The following TET2 variants were observed in gnomAD, a reference collection of about 807,000 sequenced individuals.
TET2 encodes the protein tet methylcytosine dioxygenase 2.
TET2 carries 299 observed loss-of-function variants against 142.9 expected under a neutral mutation model. The ratio of observed to expected loss-of-function variants is 2.09; its 90% confidence interval spans 1.90 to 2.30. The LOEUF (loss-of-function observed/expected upper bound fraction) is 2.30. TET2 is among the 30% of genes most tolerant of loss of function. TET2 has a pLI of 0.00. For synonymous variants in TET2, 819 were observed against 849.0 expected (o/e 0.96, Z 0.61); for missense variants, 2,418 against 2,378.0 (o/e 1.02, Z -0.35).
chr4:105,210,743 G>T (rs116147227), intron 2 of TET2, among the ~76,000 whole-genome samples: 1 of 152,180 alleles, frequency 6.6e-6, no homozygotes, highest in Non-Finnish European at 1.5e-5. Context: ...TTACCAAGTT[G>T]TTCTGTTTCT....
At chr4:105,215,603 A>G (rs1306559979) in intron 2 of TET2, among the ~76,000 whole-genome samples, 1 of 152,176 alleles carries the variant, frequency 6.6e-6, no homozygotes, top group South Asian at 2.1e-4. Flanking sequence ...GAAAAAAGAA[A>G]CAGAAAGGAA....
In TET2 at chr4:105,276,688, T is replaced by C. The variant is rs964397057; in HGVS notation, c.*169T>C. 7 of 704,988 alleles carry C rather than the reference T, an allele frequency of 9.9e-6. No homozygotes were observed. The Admixed American group carries it at 2.3e-4, about 23-fold the overall frequency. The allele number at this position is 704,988 out of a possible 1,614,324, so 43.7% of individuals were successfully genotyped here. On this transcript the variant is annotated 3_prime_UTR_variant, in exon 11 of 11. Coordinates refer to ENST00000380013, the MANE Select transcript of TET2 (RefSeq NM_001127208.3). ...AAAGAGGTTATCTTACCATAGCACT[T>C]AATTTTCACTGGCTCCCAAGTGGTC... is the stretch of plus-strand genomic sequence containing the variant.
In TET2 at chr4:105,246,248, C is replaced by T. The variant is rs1248985806; in HGVS notation, c.3803+2470C>T. Among the ~76,000 whole-genome samples, 10 of 150,294 alleles carry T rather than the reference C, an allele frequency of 6.7e-5. No homozygotes were observed. In the South Asian group the frequency reaches 1.5e-3, roughly 22 times the overall value. On this transcript the variant is annotated intron_variant, in intron 6 of 10. Transcript: ENST00000380013. ...AGCTTTTCCATAATTCTTATAAATGCCAATGCCTGAAATGGAATCTGACAT... is the reference window on the plus strand; with the variant it reads ...AGCTTTTCCATAATTCTTATAAATGTCAATGCCTGAAATGGAATCTGACAT...
intron 2 of TET2, among the ~76,000 whole-genome samples, chr4:105,210,364 G>A (rs182273848): frequency 9.8e-4 from 149 of 152,054 alleles, no homozygotes; most frequent in African/African-American, 3.4e-3. Context: ...TCAAAATTCT[G>A]GTGTTTTTAA....
intron 3 of TET2, chr4:105,240,187 G>A (rs1341864291): frequency 1.2e-5 from 3 of 249,788 alleles, no homozygotes; most frequent in Middle Eastern, 1.3e-3. Flanking sequence ...GACATGAAGT[G>A]AGCACATGCT....
chr4:105,159,253 T>C, intron 1 of TET2, among the ~76,000 whole-genome samples: 1 of 144,168 alleles, frequency 6.9e-6, no homozygotes, highest in African/African-American at 2.6e-5. Flanking sequence ...CTTTCTTTCT[T>C]TTTTTTTTTT....
intron 1 of TET2, among the ~76,000 whole-genome samples, chr4:105,168,433 AC>A (rs907143691): frequency 6.6e-6 from 1 of 151,778 alleles, no homozygotes; most frequent in Admixed American, 6.6e-5. Flanking sequence ...TTCCTGGAGC[AC>A]CCTTCCTTCA....
chr4:105,269,425 T>C (rs1730840946), intron 8 of TET2, among the ~76,000 whole-genome samples, 185 bp from the exon 9 acceptor site: 1 of 152,176 alleles, frequency 6.6e-6, no homozygotes, highest in Admixed American at 6.5e-5. Flanking sequence ...TCAATAACAC[T>C]ATAAAATAAA....
At chr4:105,159,460 G>T (rs1723734475) in intron 1 of TET2, among the ~76,000 whole-genome samples, 1 of 151,884 alleles carries the variant, frequency 6.6e-6, no homozygotes, top group Non-Finnish European at 1.5e-5. Flanking sequence ...TCTCCATGTT[G>T]GTCAGCCTGG....
chr4:105,226,824 A>G (rs966722562), intron 2 of TET2, among the ~76,000 whole-genome samples: 1 of 152,184 alleles, frequency 6.6e-6, no homozygotes, highest in Non-Finnish European at 1.5e-5. Flanking sequence ...TAAATTACCC[A>G]GACAGCTATT....
rs968455228 is a variant in TET2 at position 105,277,304 on chromosome 4, C to T, written c.*785C>T. Reference sequence around the variant, plus strand: ...ACATTTTAAAGGCCTCTGGATTTTGCTCATCCAGTGAAGTCCTTGTAGGAC... The same window carrying T: ...ACATTTTAAAGGCCTCTGGATTTTGTTCATCCAGTGAAGTCCTTGTAGGAC... On this transcript the variant is annotated 3_prime_UTR_variant, in exon 11 of 11. Coordinates refer to ENST00000380013, the MANE Select transcript of TET2 (RefSeq NM_001127208.3). 8.9e-6 allele frequency: 2 copies of T among 225,670 alleles called. No homozygotes were observed. The highest frequency in any genetic ancestry group is 1.8e-5 in the Non-Finnish European group (2 of 113,484). 14.0% of individuals were successfully genotyped at this position (225,670 alleles called of 1,614,324 possible). A position where few individuals can be genotyped will look rare whatever the true frequency, so the allele number is the denominator to read the frequency against.
At chr4:105,155,198 T>C (rs1723504731) in intron 1 of TET2, among the ~76,000 whole-genome samples, 1 of 152,254 alleles carries the variant, frequency 6.6e-6, no homozygotes, top group South Asian at 2.1e-4. Flanking sequence ...GTTTGTTAAC[T>C]GTTTATATCT....
At chr4:105,209,972 C>CA (rs1210085266) in intron 2 of TET2, among the ~76,000 whole-genome samples, 1 of 151,968 alleles carries the variant, frequency 6.6e-6, no homozygotes, top group Non-Finnish European at 1.5e-5. Flanking sequence ...GTTCTACAGA[C>CA]AATAAGAACA....
At position 105,235,158 on chromosome 4, in the gene TET2, C is replaced by T. The variant is rs2110225640; in HGVS notation, c.1216C>T (p.Leu406Phe). The T allele has an allele frequency of 6.2e-7, 1 of 1,613,770 alleles. No homozygotes were observed. Among genetic ancestry groups the T allele is most frequent in the Non-Finnish European group, 8.5e-7 (1 of 1,179,848 alleles). The change falls in exon 3 of 11, where the codon CTT (leucine) becomes TTT (phenylalanine). Residue 406 changes from leucine to phenylalanine, a missense_variant. By Grantham distance (22) the Leu-to-Phe change is conservative. Coordinates refer to ENST00000380013, the MANE Select transcript of TET2 (RefSeq NM_001127208.3). ...ACCACCACCACCATCACAATTGCTT[C>T]TTTCTCCCCCTCCTCCTCTTCCACA... ...TTPPPPSQLL[L>F]SPPPPLPQVP...
At chr4:105,257,207 G>T (rs577137012) in intron 6 of TET2, among the ~76,000 whole-genome samples, 2 of 152,238 alleles carry the variant, frequency 1.3e-5, no homozygotes, top group South Asian at 4.1e-4. Flanking sequence ...GCCAAAGCAG[G>T]AGCATCACTT....
intron 1 of TET2, among the ~76,000 whole-genome samples, chr4:105,167,205 T>C (rs557152780): frequency 1.3e-5 from 2 of 152,104 alleles, no homozygotes; most frequent in Non-Finnish European, 2.9e-5. Context: ...AGAAGTCCAT[T>C]TTCTATTCTC....
At chr4:105,230,849 A>T (rs188061720) in intron 2 of TET2, among the ~76,000 whole-genome samples, 38 of 152,122 alleles carry the variant, frequency 2.5e-4, no homozygotes, top group Non-Finnish European at 3.8e-4. Context: ...AGATTTTTTT[A>T]AGTTTTCTCA....
intron 8 of TET2, among the ~76,000 whole-genome samples, chr4:105,267,056 A>G (rs1194160795): frequency 6.6e-6 from 1 of 152,058 alleles, no homozygotes; most frequent in Non-Finnish European, 1.5e-5. Flanking sequence ...CATTCAGAAA[A>G]AGGCAAGAGA....
At chr4:105,155,399 G>A (rs1394815253) in intron 1 of TET2, among the ~76,000 whole-genome samples, 1 of 152,196 alleles carries the variant, frequency 6.6e-6, no homozygotes, top group Non-Finnish European at 1.5e-5. Flanking sequence ...AATGATGATG[G>A]CTCTCCATCT....
Sources: gnomAD v4.1 joint callset for allele counts (sites outside exome capture counted in the v4.1 genomes callset) on GRCh38, gnomAD v4.1.1 for gene constraint, MANE v1.5 for transcripts, NCBI Gene and HGNC (gene_info 2026-07-23, HGNC 2026-07-21) for gene names.